Variants in PRKAR1B observed in about 807,000 individuals in gnomAD.
PRKAR1B encodes the protein protein kinase cAMP-dependent type I regulatory subunit beta.
PRKAR1B carries 22 observed loss-of-function variants against 46.5 expected under a neutral mutation model. The observed-to-expected ratio is 0.47, with a 90% CI of 0.34 to 0.68. PRKAR1B has a LOEUF of 0.68. Among genes scored for constraint, PRKAR1B ranks in the 30% least tolerant of loss-of-function variants. PRKAR1B has a pLI of 0.01. For synonymous variants in PRKAR1B, 259 were observed against 217.7 expected, an observed-to-expected ratio of 1.19 and a Z score of -1.67; for missense variants, 445 against 535.6, an observed-to-expected ratio of 0.83 and a Z score of 1.67.
intron 8 of PRKAR1B, among the ~76,000 whole-genome samples, chr7:581,527 C>T (rs1189487912): frequency 6.6e-6 from 1 of 152,124 alleles, no homozygotes; most frequent in Non-Finnish European, 1.5e-5. Context: ...GACAGTAATA[C>T]GAGGCATCTC....
chr7:571,405 G>A (rs1417418752), intron 9 of PRKAR1B, among the ~76,000 whole-genome samples: 3 of 152,222 alleles, frequency 2.0e-5, no homozygotes, highest in Non-Finnish European at 1.5e-5. Context: ...ACAATGGGCC[G>A]TCCCCTGGTT....
At chr7:558,161 G>GA (rs948528874) in intron 9 of PRKAR1B, among the ~76,000 whole-genome samples, 12 of 148,718 alleles carry the variant, frequency 8.1e-5, no homozygotes, top group South Asian at 2.1e-4. Context: ...AAAAAAAAAA[G>GA]AAAAAAAACA....
intron 4 of PRKAR1B, among the ~76,000 whole-genome samples, chr7:653,633 C>A (rs984259508): frequency 1.4e-4 from 22 of 152,128 alleles, no homozygotes; most frequent in African/African-American, 5.3e-4. Flanking sequence ...AAAATAAGGG[C>A]TACTCCAAAA....
intron 4 of PRKAR1B, among the ~76,000 whole-genome samples, chr7:618,991 T>C (rs1782975768): frequency 1.3e-5 from 2 of 152,222 alleles, no homozygotes; most frequent in South Asian, 4.1e-4. Context: ...AATGAAATAC[T>C]CTCCGACATG....
intron 9 of PRKAR1B, among the ~76,000 whole-genome samples, chr7:563,864 G>A (rs1778971837): frequency 6.6e-6 from 1 of 151,746 alleles, no homozygotes; most frequent in Non-Finnish European, 1.5e-5. Flanking sequence ...GGTTGTGGGT[G>A]TGCATGGGTT....
At chr7:564,657 A>C (rs1779024708) in intron 9 of PRKAR1B, among the ~76,000 whole-genome samples, 1 of 152,130 alleles carries the variant, frequency 6.6e-6, no homozygotes, top group African/African-American at 2.4e-5. Flanking sequence ...GCATCCCCAG[A>C]AACTGCCCAG....
chr7:718,056 G>C (rs1158619008), intron 1 of PRKAR1B, among the ~76,000 whole-genome samples: 1 of 152,022 alleles, frequency 6.6e-6, no homozygotes, highest in Non-Finnish European at 1.5e-5. Flanking sequence ...GCTGAGGGTG[G>C]CCTCCAGTCC....
chr7:574,101 C>A (rs746334251), intron 9 of PRKAR1B, among the ~76,000 whole-genome samples: 1 of 152,262 alleles, frequency 6.6e-6, no homozygotes, highest in African/African-American at 2.4e-5. Flanking sequence ...CCACGATCCA[C>A]GCCCCCCACA....
chr7:650,920 C>T (rs904865722), intron 4 of PRKAR1B, among the ~76,000 whole-genome samples: 7 of 149,304 alleles, frequency 4.7e-5, no homozygotes, highest in African/African-American at 1.7e-4. Context: ...CCCTGGCTCA[C>T]CGGCCACCGA....
intron 4 of PRKAR1B, among the ~76,000 whole-genome samples, chr7:637,282 G>C (rs1784165801): frequency 6.6e-6 from 1 of 152,118 alleles, no homozygotes. Flanking sequence ...AGCTGGGCAT[G>C]GTGGCGCACC....
At chr7:570,970 G>A (rs547750843) in intron 9 of PRKAR1B, among the ~76,000 whole-genome samples, 20 of 152,242 alleles carry the variant, frequency 1.3e-4, no homozygotes, top group African/African-American at 4.1e-4. Context: ...CCCCTAGAAC[G>A]CCAGCCGGAG....
At chr7:552,989 C>T (rs1784344466) in intron 9 of PRKAR1B, among the ~76,000 whole-genome samples, 1 of 152,278 alleles carries the variant, frequency 6.6e-6, no homozygotes, top group African/African-American at 2.4e-5. Context: ...GGCACCGCCG[C>T]AGCACGTGCT....
In PRKAR1B at chr7:550,540, T is replaced by G; in HGVS notation, c.1036A>C (p.Lys346Gln). 4 of 1,605,596 alleles carry G rather than the reference T, an allele frequency of 2.5e-6. No individual in the cohort carries two copies. Among genetic ancestry groups the G allele is most frequent in the South Asian group, 1.1e-5 (1 of 89,840 alleles). Residue 346 changes from lysine (K) to glutamine (Q), a missense_variant, in exon 11 of 11, where the codon AAG (lysine) becomes CAG (glutamine). By Grantham distance (53) the Lys-to-Gln change is moderately conservative. Coordinates refer to ENST00000537384, the MANE Select transcript of PRKAR1B (RefSeq NM_001164760.2). Reference protein sequence around the residue: ...AATVVARGPLKCVKLDRPRFE... With the variant: ...AATVVARGPLQCVKLDRPRFE... ...CGGGGCCGGTCCAGCTTCACACACT[T>G]GAGGGGCCCCCGGGCCACGACAGTG...
chr7:586,574 C>G (rs1049057543), intron 7 of PRKAR1B, among the ~76,000 whole-genome samples: 3 of 152,210 alleles, frequency 2.0e-5, no homozygotes, highest in Non-Finnish European at 2.9e-5. Flanking sequence ...ATCCCCCCAG[C>G]CCGAGGAGGG....
chr7:674,478 G>GCTA (rs1485446666), intron 4 of PRKAR1B, among the ~76,000 whole-genome samples: 2 of 146,584 alleles, frequency 1.4e-5, no homozygotes, highest in Non-Finnish European at 3.0e-5. Flanking sequence ...ACCAAACCCA[G>GCTA]CTATTCCAGC....
intron 9 of PRKAR1B, among the ~76,000 whole-genome samples, chr7:575,864 A>G (rs1321272627): frequency 6.6e-6 from 1 of 152,204 alleles, no homozygotes; most frequent in Non-Finnish European, 1.5e-5. Flanking sequence ...AGCATGAGCC[A>G]CCGTGCCCAA....
chr7:642,238 A>C (rs779040226), intron 4 of PRKAR1B, among the ~76,000 whole-genome samples: 8 of 152,146 alleles, frequency 5.3e-5, no homozygotes, highest in Non-Finnish European at 5.9e-5. Context: ...AGGCAGATTC[A>C]TGGTGGACGG....
rs184008297 is a variant in PRKAR1B at position 617,214 on chromosome 7, C to T, written c.441-9762G>A. On this transcript the variant is annotated intron_variant, in intron 4 of 10. Transcript: ENST00000537384. ...TTCACCATGTTGGCCAGGCTGGTCT[C>T]GAACTCCTGACCTCATGATCCACCT... 3.3e-3 allele frequency among the ~76,000 whole-genome samples: 505 copies of T among 151,676 alleles called. 2 individuals carry two copies. The highest frequency in any genetic ancestry group is 6.9e-3 in the Middle Eastern group (2 of 290).
intron 1 of PRKAR1B, among the ~76,000 whole-genome samples, chr7:711,866 C>T (rs966683856): frequency 1.2e-4 from 18 of 151,876 alleles, no homozygotes; most frequent in East Asian, 3.9e-4. Context: ...CCCTGAGGGT[C>T]CAGCCGGGGG....
Sources: gnomAD v4.1 joint callset for allele counts (sites outside exome capture counted in the v4.1 genomes callset) on GRCh38, gnomAD v4.1.1 for gene constraint, MANE v1.5 for transcripts, NCBI Gene and HGNC (gene_info 2026-07-23, HGNC 2026-07-21) for gene names.